Variants in FLII observed in about 807,000 individuals in gnomAD.
The protein encoded by FLII is protein flightless-1 homolog.
A neutral mutation model predicts 156.2 loss-of-function variants in FLII; 101 were observed. That is an observed-to-expected ratio of 0.65 (90% CI 0.55 to 0.76). The LOEUF is 0.76. FLII is among the 30% of genes least tolerant of loss of function. FLII has a pLI of 0.00. For synonymous variants in FLII, 767 were observed against 685.8 expected (o/e 1.12, Z -1.85); for missense variants, 1,675 against 1,682.8 (o/e 1.00, Z 0.08).
Position 18,244,895 on chromosome 17 carries a change from A to G in FLII, c.*243T>C, listed in dbSNP as rs1184537769. On this transcript the variant is annotated 3_prime_UTR_variant, in exon 30 of 30. Coordinates refer to ENST00000327031, the MANE Select transcript of FLII (RefSeq NM_002018.4). The stretch of plus-strand genomic sequence containing the variant: ...CTTAAAGGGCATCCACATCTGCTTT[A>G]TCCCTAGCGGAAGAGTGAGGGGGCT... 3.9e-6 allele frequency: 2 copies of G among 517,844 alleles called. No individual in the cohort carries two copies. Among genetic ancestry groups the G allele is most frequent in the African/African-American group, 3.8e-5 (2 of 52,620 alleles). 32.1% of individuals were successfully genotyped at this position (517,844 alleles called of 1,614,324 possible). A position where few individuals can be genotyped will look rare whatever the true frequency, so the allele number is the denominator to read the frequency against.
chr17:18,255,162 GGT>G lies in FLII; in HGVS notation c.327+19_327+20del. On this transcript the variant is annotated intron_variant, in intron 4 of 29. Coordinates refer to ENST00000327031, the MANE Select transcript of FLII (RefSeq NM_002018.4). ...AATGGTCCGGCTAGCACAGGGGCCA[GGT>G]GAGTGGGTAGCCACTGACCAGGACT... 1 of 1,587,494 alleles carries G rather than the reference GGT, an allele frequency of 6.3e-7. No homozygotes were observed. Among genetic ancestry groups the G allele is most frequent in the Non-Finnish European group, 8.7e-7 (1 of 1,155,850 alleles).
At chr17:18,248,764 T>C (rs1269278988) in intron 17 of FLII, 36 bp downstream of exon 17, 1 of 1,613,940 alleles carries the variant, frequency 6.2e-7, no homozygotes, top group Non-Finnish European at 8.5e-7. Flanking sequence ...TCACACCCCT[T>C]TCCTTCACAC....
rs766504772 is a variant in FLII, at chr17:18,252,081, C to T, written c.1164G>A (p.Glu388=). 1 of 1,613,344 alleles carries T rather than the reference C, an allele frequency of 6.2e-7. No individual in the cohort carries two copies. The highest frequency in any genetic ancestry group is 8.5e-7 in the Non-Finnish European group (1 of 1,180,054). The change falls in exon 11 of 30, where the codon GAG becomes GAA. Residue 388 remains glutamate (E), a synonymous_variant. Transcript: ENST00000327031. Reference sequence around the variant, plus strand: ...GCAGCGAGAAGTCGATGTTGTACCACTCAGCGGCACGGTCTGCGGGCTTGG... The same window carrying T: ...GCAGCGAGAAGTCGATGTTGTACCATTCAGCGGCACGGTCTGCGGGCTTGG... ...MPPKPADRAA[E]WYNIDFSLQN...
At position 18,258,354 on chromosome 17, in the gene FLII, C is replaced by T; in HGVS notation, c.63+274G>A. ...CACCATCCAGCCTAGACCGAGAACACGGACGCGGGGTGGGGGCTCCCGGCC... is the reference window on the plus strand; with the variant it reads ...CACCATCCAGCCTAGACCGAGAACATGGACGCGGGGTGGGGGCTCCCGGCC... On this transcript the variant is annotated intron_variant, in intron 1 of 29. Coordinates refer to ENST00000327031, the MANE Select transcript of FLII (RefSeq NM_002018.4). The surrounding 1 kb of genome is among the most constrained non-coding windows in gnomAD (Gnocchi z 4.2). The T allele has an allele frequency of 2.4e-6, 2 of 816,934 alleles. No individual in the cohort carries two copies. The highest frequency in any genetic ancestry group is 3.5e-5 in the South Asian group (2 of 56,700). 50.6% of individuals were successfully genotyped at this position (816,934 alleles called of 1,614,324 possible).
At position 18,254,074 on chromosome 17, in the gene FLII, C is replaced by A; in HGVS notation, c.679+5G>T. 6.2e-7 allele frequency: 1 copy of A among 1,603,972 alleles called. No individual in the cohort carries two copies. Among genetic ancestry groups the A allele is most frequent in the Non-Finnish European group, 8.5e-7 (1 of 1,173,852 alleles). On this transcript the variant is annotated splice_donor_5th_base_variant and intron_variant, in intron 7 of 29. Coordinates refer to ENST00000327031, the MANE Select transcript of FLII (RefSeq NM_002018.4). ...AGCTCAGAGGGGCTCCTGGGGCTGC[C>A]TGACCTGCGAGGTTGCTCAGACCCT...
At chr17:18,254,321 G>A in intron 6 of FLII, 139 bp from the exon 7 acceptor site, 1 of 819,344 alleles carries the variant, frequency 1.2e-6, no homozygotes, top group Non-Finnish European at 1.9e-6. Context: ...CAAGCCCAAG[G>A]GTGGTTGCGG....
At chr17:18,249,013 C>T in intron 16 of FLII, 114 bp downstream of exon 16, 1 of 1,372,796 alleles carries the variant, frequency 7.3e-7, no homozygotes, top group Non-Finnish European at 1.0e-6. Context: ...CCCCGCCAAG[C>T]TCGTGGGCAG....
chr17:18,249,021 C>A, intron 16 of FLII, 106 bp downstream of exon 16: 1 of 1,372,470 alleles, frequency 7.3e-7, no homozygotes, highest in Non-Finnish European at 1.0e-6. Flanking sequence ...AGCTCGTGGG[C>A]AGGAATTGCT....
In FLII at chr17:18,254,075, T is replaced by G; in HGVS notation, c.679+4A>C. 6.2e-7 allele frequency: 1 copy of G among 1,603,868 alleles called. No individual in the cohort carries two copies. The highest frequency in any genetic ancestry group is 8.5e-7 in the Non-Finnish European group (1 of 1,173,782). On this transcript the variant is annotated splice_donor_region_variant and intron_variant, in intron 7 of 29. Coordinates refer to ENST00000327031, the MANE Select transcript of FLII (RefSeq NM_002018.4). ...GCTCAGAGGGGCTCCTGGGGCTGCC[T>G]GACCTGCGAGGTTGCTCAGACCCTC...
In FLII at chr17:18,258,722, C is replaced by G. The variant is rs937616474; in HGVS notation, c.-32G>C. On this transcript the variant is annotated 5_prime_UTR_variant, in exon 1 of 30. Coordinates refer to ENST00000327031, the MANE Select transcript of FLII (RefSeq NM_002018.4). This position sits in a 1 kb window ranked among gnomAD's most constrained non-coding sequence, Gnocchi z 4.2. ...GCTCTCGCTGCCGGGCCGCGCCGGG[C>G]TAGGGAGCGCCGGGGCGAGGGCGCT... 36 of 1,399,114 alleles carry G rather than the reference C, an allele frequency of 2.6e-5. No homozygotes were observed. The highest frequency in any genetic ancestry group is 3.3e-5 in the Non-Finnish European group (36 of 1,082,162). The allele number at this position is 1,399,114 out of a possible 1,614,324, so 86.7% of individuals were successfully genotyped here.
In FLII at chr17:18,258,334, T is replaced by C; in HGVS notation, c.63+294A>G. ...GGCTCGCCCGATCCCCAGGCCACCA[T>C]CCAGCCTAGACCGAGAACACGGACG... is the stretch of plus-strand genomic sequence containing the variant. On this transcript the variant is annotated intron_variant, in intron 1 of 29. Coordinates refer to ENST00000327031, the MANE Select transcript of FLII (RefSeq NM_002018.4). This position sits in a 1 kb window ranked among gnomAD's most constrained non-coding sequence, Gnocchi z 4.2. 3.1e-6 allele frequency: 2 copies of C among 651,400 alleles called. No individual in the cohort carries two copies. The highest frequency in any genetic ancestry group is 4.3e-5 in the South Asian group (2 of 46,814). 40.4% of individuals were successfully genotyped at this position (651,400 alleles called of 1,614,324 possible).
In FLII at chr17:18,247,127, CCCA is replaced by C. The variant is rs767356658; in HGVS notation, c.2676+39_2676+41del. ...CATAGGCCCCGCCCTCGGCCTGCCC[CCCA>C]CCCCCCCCCCCGCGCCCCGGTCCCG... On this transcript the variant is annotated intron_variant, in intron 21 of 29. Transcript: ENST00000327031. The C allele has an allele frequency of 9.2e-4, 680 of 738,056 alleles. 4 individuals carry two copies. The highest frequency in any genetic ancestry group is 3.8e-3 in the African/African-American group (173 of 45,074). 45.7% of individuals were successfully genotyped at this position (738,056 alleles called of 1,614,324 possible).
At position 18,248,873 on chromosome 17, in the gene FLII, G is replaced by A. The variant is rs754768543; in HGVS notation, c.1945C>T (p.Leu649=). 3.7e-6 allele frequency: 6 copies of A among 1,613,696 alleles called. No individual in the cohort carries two copies. The East Asian group carries it at 1.3e-4, about 36-fold the overall frequency. ...TAGATGTCTAGCCCTCGGTCCAGCAGGAAAACAAACCTGGACAAGAAGGGG... is the reference window on the plus strand; with the variant it reads ...TAGATGTCTAGCCCTCGGTCCAGCAAGAAAACAAACCTGGACAAGAAGGGG... The part of the protein sequence containing the change: ...GTSLDPRFVF[L]LDRGLDIYVW... The change falls in exon 17 of 30, where the codon CTG becomes TTG. Residue 649 remains leucine, a synonymous_variant. Transcript: ENST00000327031.
In FLII at chr17:18,254,910, G is replaced by A. The variant is rs987437072; in HGVS notation, c.328-56C>T. ...GGAGTCTCCTCCCCACCAGGCGTCT[G>A]CCAAGCTTGGGGATCAGGCAGGGCA... On this transcript the variant is annotated intron_variant, in intron 4 of 29. Coordinates refer to ENST00000327031, the MANE Select transcript of FLII (RefSeq NM_002018.4). 3.6e-5 allele frequency: 57 copies of A among 1,566,870 alleles called. No homozygotes were observed. In the Admixed American group the frequency reaches 9.3e-4, roughly 26 times the overall value.
chr17:18,258,454 G>A lies in FLII; in HGVS notation c.63+174C>T, dbSNP rs2048495695. The A allele has an allele frequency of 1.3e-6, 2 of 1,508,846 alleles. No homozygotes were observed. The highest frequency in any genetic ancestry group is 2.5e-5 in the South Asian group (2 of 81,186). 93.5% of individuals were successfully genotyped at this position (1,508,846 alleles called of 1,614,324 possible). ...GCCTCGGTCTCCCCGTACAGGCACT[G>A]GGCGGAGGCCTCGGAGGTCCATTCC... On this transcript the variant is annotated intron_variant, in intron 1 of 29. Coordinates refer to ENST00000327031, the MANE Select transcript of FLII (RefSeq NM_002018.4). The surrounding 1 kb of genome is among the most constrained non-coding windows in gnomAD (Gnocchi z 4.2).
Position 18,258,316 on chromosome 17 carries a change from C to CCGAT in FLII, c.63+308_63+311dup. The CCGAT allele has an allele frequency of 1.7e-6, 1 of 583,626 alleles. No individual in the cohort carries two copies. The highest frequency in any genetic ancestry group is 3.5e-5 in the East Asian group (1 of 28,688). 36.2% of individuals were successfully genotyped at this position (583,626 alleles called of 1,614,324 possible). A position where few individuals can be genotyped will look rare whatever the true frequency, so the allele number is the denominator to read the frequency against. ...ACCTCAGAGGGGCGGGGAGGCTCGC[C>CCGAT]CGATCCCCAGGCCACCATCCAGCCT... is the stretch of plus-strand genomic sequence containing the variant. On this transcript the variant is annotated intron_variant, in intron 1 of 29. Coordinates refer to ENST00000327031, the MANE Select transcript of FLII (RefSeq NM_002018.4). The surrounding 1 kb of genome is among the most constrained non-coding windows in gnomAD (Gnocchi z 4.2).
At chr17:18,247,517 G>C in intron 20 of FLII, 140 bp downstream of exon 20, 3 of 1,043,406 alleles carry the variant, frequency 2.9e-6, no homozygotes, top group East Asian at 2.5e-5. Context: ...AGCTTGCAGA[G>C]GGGGCGGGGC....
Position 18,258,713 on chromosome 17 carries a change from C to CGCGCCGGGCTAGGGA in FLII, c.-38_-24dup. 3.4e-6 allele frequency: 5 copies of CGCGCCGGGCTAGGGA among 1,452,970 alleles called. No homozygotes were observed. Among genetic ancestry groups the CGCGCCGGGCTAGGGA allele is most frequent in the Non-Finnish European group, 3.6e-6 (4 of 1,107,784 alleles). 90.0% of individuals were successfully genotyped at this position (1,452,970 alleles called of 1,614,324 possible). Reference sequence around the variant, plus strand: ...CATGGCGCCGCTCTCGCTGCCGGGCCGCGCCGGGCTAGGGAGCGCCGGGGC... The same window carrying CGCGCCGGGCTAGGGA: ...CATGGCGCCGCTCTCGCTGCCGGGCCGCGCCGGGCTAGGGAGCGCCGGGCTAGGGAGCGCCGGGGC... On this transcript the variant is annotated 5_prime_UTR_variant, in exon 1 of 30. Coordinates refer to ENST00000327031, the MANE Select transcript of FLII (RefSeq NM_002018.4). The surrounding 1 kb of genome is among the most constrained non-coding windows in gnomAD (Gnocchi z 4.2).
In FLII at chr17:18,254,188, A is replaced by G. The variant is rs747740550; in HGVS notation, c.576-6T>C. 12 of 1,599,772 alleles carry G rather than the reference A, an allele frequency of 7.5e-6. No homozygotes were observed. Among genetic ancestry groups the G allele is most frequent in the Non-Finnish European group, 9.4e-6 (11 of 1,172,982 alleles). On this transcript the variant is annotated splice_region_variant and splice_polypyrimidine_tract_variant and intron_variant, in intron 6 of 29. Coordinates refer to ENST00000327031, the MANE Select transcript of FLII (RefSeq NM_002018.4). ...CCGTCATCGCTGGGAGCTGCCTGCC[A>G]GGGTGACGTGAGTGGTCAGGGCCAG...
Sources: gnomAD v4.1 joint callset for allele counts on GRCh38, gnomAD v4.1.1 for gene constraint, Gnocchi (gnomAD v3.1) non-coding constraint, MANE v1.5 for transcripts, NCBI Gene and HGNC (gene_info 2026-07-23, HGNC 2026-07-21) for gene names.